TEAD1: variants seen among roughly 807,000 people sequenced by gnomAD.
TEAD1 encodes TEA domain transcription factor 1.
TEAD1 carries 9 observed loss-of-function variants against 54.9 expected under a neutral mutation model. That is an observed-to-expected ratio of 0.16 (90% CI 0.10 to 0.29). The LOEUF (loss-of-function observed/expected upper bound fraction) is 0.29. TEAD1 is among the 10% of genes least tolerant of loss of function. TEAD1 has a pLI of 1.00. For synonymous variants in TEAD1, 200 were observed against 187.8 expected (o/e 1.07, Z -0.53); for missense variants, 387 against 535.9 (o/e 0.72, Z 2.74).
intron 2 of TEAD1, among the ~76,000 whole-genome samples, chr11:12,734,580 A>G (rs551680968): frequency 2.0e-4 from 31 of 152,338 alleles, no homozygotes; most frequent in Non-Finnish European, 3.5e-4. Flanking sequence ...GAAGTGCCCT[A>G]TGCAGGTGTA....
rs1466758094 is a variant in TEAD1, at chr11:12,931,749, G to C, written c.1167+1423G>C. The stretch of plus-strand genomic sequence containing the variant: ...ATTTAACAATAATTTTTATGAGCCA[G>C]TAGGAGCCAGCTTCTATACACCATT... On this transcript the variant is annotated intron_variant, in intron 12 of 12. Coordinates refer to ENST00000527636, the MANE Select transcript of TEAD1 (RefSeq NM_021961.6). Among the ~76,000 whole-genome samples the C allele has an allele frequency of 2.6e-5, 4 of 151,970 alleles. No individual in the cohort carries two copies. The East Asian group carries it at 7.7e-4, about 29-fold the overall frequency.
intron 11 of TEAD1, among the ~76,000 whole-genome samples, chr11:12,926,036 G>GT (rs1948898558): frequency 1.3e-5 from 2 of 152,078 alleles, no homozygotes; most frequent in South Asian, 2.1e-4. Flanking sequence ...AATAATGTTT[G>GT]TTGTTGGCAT....
At chr11:12,813,507 C>T (rs1946349054) in intron 3 of TEAD1, among the ~76,000 whole-genome samples, 1 of 152,160 alleles carries the variant, frequency 6.6e-6, no homozygotes, top group Non-Finnish European at 1.5e-5. Flanking sequence ...GTGTATGTTT[C>T]ATTTTTTACA....
At chr11:12,871,200 T>C (rs906055797) in intron 5 of TEAD1, among the ~76,000 whole-genome samples, 2 of 152,232 alleles carry the variant, frequency 1.3e-5, no homozygotes, top group African/African-American at 4.8e-5. Flanking sequence ...GAGGTCTCCC[T>C]TGGACCTTGT....
chr11:12,690,688 A>G (rs963626648), intron 2 of TEAD1, among the ~76,000 whole-genome samples: 3 of 152,216 alleles, frequency 2.0e-5, no homozygotes, highest in Non-Finnish European at 4.4e-5. Flanking sequence ...TGTTAGTGCC[A>G]TTGATTGATG....
intron 3 of TEAD1, among the ~76,000 whole-genome samples, chr11:12,825,703 T>C (rs1276275607): frequency 6.6e-6 from 1 of 151,544 alleles, no homozygotes; most frequent in African/African-American, 2.4e-5. Flanking sequence ...ACAAAACAAT[T>C]CGGAAAGGGA....
chr11:12,775,347 A>AG (rs1554931967), intron 3 of TEAD1, among the ~76,000 whole-genome samples: 1 of 152,160 alleles, frequency 6.6e-6, no homozygotes, highest in Non-Finnish European at 1.5e-5. Flanking sequence ...ATCAGAGGGA[A>AG]GTAGAGAGTG....
At position 12,943,548 on chromosome 11, in the gene TEAD1, T is replaced by C. The variant is rs973197495; in HGVS notation, c.*6326T>C. Reference sequence around the variant, plus strand: ...CTGTGAATTTGCATTGAGTCACTCATGCTACACTACATCGCTTTAGTATTT... The same window carrying C: ...CTGTGAATTTGCATTGAGTCACTCACGCTACACTACATCGCTTTAGTATTT... On this transcript the variant is annotated 3_prime_UTR_variant, in exon 13 of 13. Transcript: ENST00000527636. 1 of 152,412 alleles carries C rather than the reference T, an allele frequency of 6.6e-6. No homozygotes were observed. The highest frequency in any genetic ancestry group is 2.4e-5 in the African/African-American group (1 of 41,470). 9.4% of individuals were successfully genotyped at this position (152,412 alleles called of 1,614,324 possible). A position where few individuals can be genotyped will look rare whatever the true frequency, so the allele number is the denominator to read the frequency against.
At chr11:12,709,804 C>T (rs1234133104) in intron 2 of TEAD1, among the ~76,000 whole-genome samples, 1 of 152,138 alleles carries the variant, frequency 6.6e-6, no homozygotes, top group South Asian at 2.1e-4. Flanking sequence ...GCTGGGATTG[C>T]AGTTGTGAGT....
At chr11:12,784,907 A>G (rs997063467) in intron 3 of TEAD1, among the ~76,000 whole-genome samples, 1 of 152,208 alleles carries the variant, frequency 6.6e-6, no homozygotes, top group African/African-American at 2.4e-5. Flanking sequence ...TGAGAAGTGC[A>G]GGGTGAGGGG....
intron 2 of TEAD1, among the ~76,000 whole-genome samples, chr11:12,712,631 G>A (rs760060661): frequency 2.6e-5 from 4 of 152,114 alleles, no homozygotes; most frequent in African/African-American, 7.2e-5. Context: ...TACCACCACC[G>A]CCATCACTAC....
At chr11:12,929,562 A>G (rs1234683926) in intron 11 of TEAD1, among the ~76,000 whole-genome samples, 1 of 151,844 alleles carries the variant, frequency 6.6e-6, no homozygotes, top group Non-Finnish European at 1.5e-5. Flanking sequence ...TTGATGTAAA[A>G]TATCTCCCTT....
In TEAD1 at chr11:12,908,885, T is replaced by TTTTTTTTTTTTG. The variant is rs1554948606; in HGVS notation, c.873+6773_873+6784dup. Among the ~76,000 whole-genome samples, 21 of 145,422 alleles carry TTTTTTTTTTTTG rather than the reference T, an allele frequency of 1.4e-4. 1 individual carries two copies. The East Asian group carries it at 2.7e-3, about 19-fold the overall frequency. ...TGTCAGTATACTTCAAATTATCTGT[T>TTTTTTTTTTTTG]TTTTTTTTTTTGAGACAGTGTTGCT... On this transcript the variant is annotated intron_variant, in intron 10 of 12. Transcript: ENST00000527636.
chr11:12,800,072 G>A (rs1946018970), intron 3 of TEAD1, among the ~76,000 whole-genome samples: 1 of 152,128 alleles, frequency 6.6e-6, no homozygotes, highest in African/African-American at 2.4e-5. Context: ...TTCCAGTAAG[G>A]GAGTTTTCTC....
chr11:12,837,773 C>CTCTACCTCT (rs1946933840), intron 3 of TEAD1, among the ~76,000 whole-genome samples: 1 of 24,102 alleles, frequency 4.1e-5, no homozygotes, highest in Non-Finnish European at 2.1e-4. Context: ...CTTCTTCCTT[C>CTCTACCTCT]TCTTCCTCTT....
rs571966322 is a variant in TEAD1, at chr11:12,708,266, A to G, written c.-55+32705A>G. Among the ~76,000 whole-genome samples, 11 of 151,868 alleles carry G rather than the reference A, an allele frequency of 7.2e-5. No individual in the cohort carries two copies. In the South Asian group the frequency reaches 1.5e-3, roughly 20 times the overall value. ...CTAAGGACCTCTTTGTGGAATAGCCATCTTTGCTTGAGGTCTGTGCAATTG... is the reference window on the plus strand; with the variant it reads ...CTAAGGACCTCTTTGTGGAATAGCCGTCTTTGCTTGAGGTCTGTGCAATTG... On this transcript the variant is annotated intron_variant, in intron 2 of 12. Coordinates refer to ENST00000527636, the MANE Select transcript of TEAD1 (RefSeq NM_021961.6).
At chr11:12,807,721 C>A (rs922102613) in intron 3 of TEAD1, among the ~76,000 whole-genome samples, 1 of 152,176 alleles carries the variant, frequency 6.6e-6, no homozygotes, top group Non-Finnish European at 1.5e-5. Context: ...TCTGTAAACT[C>A]CAGAGGGCTG....
chr11:12,711,272 GT>G (rs1452267802), intron 2 of TEAD1, among the ~76,000 whole-genome samples: 1 of 152,192 alleles, frequency 6.6e-6, no homozygotes, highest in Non-Finnish European at 1.5e-5. Flanking sequence ...GCAGGACTGG[GT>G]GATTATAAGC....
In TEAD1 at chr11:12,944,340, G is replaced by A. The variant is rs1198752031; in HGVS notation, c.*7118G>A. The A allele has an allele frequency of 1.3e-5, 2 of 152,568 alleles. No individual in the cohort carries two copies. Among genetic ancestry groups the A allele is most frequent in the Non-Finnish European group, 2.9e-5 (2 of 68,020 alleles). 9.5% of individuals were successfully genotyped at this position (152,568 alleles called of 1,614,324 possible). A position where few individuals can be genotyped will look rare whatever the true frequency, so the allele number is the denominator to read the frequency against. ...TTGGCAGTACAGTATTCTTGTATTTGTTAACGTCTGTGTTTAGGTACTGGT... is the reference window on the plus strand; with the variant it reads ...TTGGCAGTACAGTATTCTTGTATTTATTAACGTCTGTGTTTAGGTACTGGT... On this transcript the variant is annotated 3_prime_UTR_variant, in exon 13 of 13. Coordinates refer to ENST00000527636, the MANE Select transcript of TEAD1 (RefSeq NM_021961.6).
Sources: gnomAD v4.1 joint callset for allele counts (sites outside exome capture counted in the v4.1 genomes callset) on GRCh38, gnomAD v4.1.1 for gene constraint, MANE v1.5 for transcripts, NCBI Gene and HGNC (gene_info 2026-07-23, HGNC 2026-07-21) for gene names.